Variants in SHOX observed in about 807,000 individuals in gnomAD.
SHOX encodes short stature homeobox protein.
In SHOX, 12 loss-of-function variants were observed where a neutral mutation model predicts 29.6. That is an observed-to-expected ratio of 0.41 (90% confidence interval 0.26 to 0.66). SHOX has a LOEUF of 0.66. Ranked by LOEUF, SHOX falls within the 30% of genes least tolerant of loss-of-function variation. SHOX has a pLI of 0.35. For missense variants in SHOX, 499 were observed against 437.7 expected, an observed-to-expected ratio of 1.14 and a Z score of -1.25; for synonymous variants, 214 against 200.6, an observed-to-expected ratio of 1.07 and a Z score of -0.57.
chrX:644,284 G>C (rs1162875551), intron 4 of SHOX, 107 bp from the exon 5 acceptor site: 14 of 1,324,040 alleles, frequency 1.1e-5, no homozygotes, highest in Non-Finnish European at 1.4e-5. Context: ...AAGGGGCGAC[G>C]CTCCCTAGGG....
chrX:635,650 G>C (rs1001822622), intron 2 of SHOX, among the ~76,000 whole-genome samples: 2 of 152,194 alleles, frequency 1.3e-5, no homozygotes, highest in Non-Finnish European at 2.9e-5. Flanking sequence ...GGGCGGAGGG[G>C]CCTTGGGTGT....
At chrX:627,732 C>T (rs763901491), upstream of SHOX, among the ~76,000 whole-genome samples, 10 of 152,238 alleles carry the variant, frequency 6.6e-5, no homozygotes, top group South Asian at 2.1e-4. Flanking sequence ...CCTGGTAGAG[C>T]GGAGTTTCCT....
chrX:631,849 G>C, intron 1 of SHOX: 1 of 455,066 alleles, frequency 2.2e-6, no homozygotes, highest in Admixed American at 2.3e-5. Flanking sequence ...TGACGGCTTA[G>C]GATGTGTGTT....
intron 5 of SHOX, among the ~76,000 whole-genome samples, chrX:657,753 C>T (rs140403629): frequency 0.023 from 3,492 of 152,144 alleles, 146 homozygotes; most frequent in African/African-American, 0.079. Flanking sequence ...AGATAAAATA[C>T]GACGTGCACA....
chrX:634,208 G>C lies in SHOX; in HGVS notation c.278-410G>C, dbSNP rs1485956435. On this transcript the variant is annotated intron_variant, in intron 1 of 4. Transcript: ENST00000686671. ...GCGTCTCTCCGTAGGCCTAGAATCT[G>C]CAACCCGCCCCGGGTCCTCCCCGTG... 2.0e-5 allele frequency among the ~76,000 whole-genome samples: 3 copies of C among 152,314 alleles called. No individual in the cohort carries two copies. The East Asian group carries it at 5.8e-4, about 29-fold the overall frequency.
intron 5 of SHOX, among the ~76,000 whole-genome samples, chrX:657,279 A>G (rs1274345300): frequency 6.6e-6 from 1 of 152,212 alleles, no homozygotes; most frequent in Non-Finnish European, 1.5e-5. Context: ...CCCATTCAGA[A>G]GAACACATCC....
upstream of SHOX, among the ~76,000 whole-genome samples, chrX:626,554 C>T (rs868859519): frequency 4.1e-5 from 1 of 24,666 alleles, no homozygotes; most frequent in South Asian, 1.7e-3. Context: ...CTCTCTCTCT[C>T]CTCTTTTTCT....
chrX:646,066 T>G lies in SHOX; in HGVS notation c.*1430T>G, dbSNP rs2052959962. ...CACCTGCCACCACCCCCGGCTAATT[T>G]TTTGTATTTATAGTAGAGACGGGGT... On this transcript the variant is annotated 3_prime_UTR_variant, in exon 5 of 5. Transcript: ENST00000686671. 6.6e-6 allele frequency: 1 copy of G among 152,020 alleles called. No individual in the cohort carries two copies. The highest frequency in any genetic ancestry group is 2.4e-5 in the African/African-American group (1 of 41,362). The allele number at this position is 152,020 out of a possible 1,614,324, so 9.4% of individuals were successfully genotyped here.
chrX:630,530 G>A, upstream of SHOX: 1 of 401,166 alleles, frequency 2.5e-6, no homozygotes, highest in Non-Finnish European at 4.6e-6. Flanking sequence ...TGGGGGGCTC[G>A]GGCGCCTGCG....
At chrX:642,023 G>T (rs1210037121) in intron 4 of SHOX, among the ~76,000 whole-genome samples, 1 of 152,234 alleles carries the variant, frequency 6.6e-6, no homozygotes, top group African/African-American at 2.4e-5. Flanking sequence ...CAGCGCTTGG[G>T]TGCCCAGCGT....
intron 1 of SHOX, 43 bp from the exon 2 acceptor site, chrX:634,575 A>C: frequency 6.2e-7 from 1 of 1,606,352 alleles, no homozygotes. Context: ...CGTTGCGCAA[A>C]ACCTCCCCGG....
rs28408302 is a variant in SHOX at position 650,556 on chromosome X, C to G, written c.*5920C>G. Reference sequence around the variant, plus strand: ...GATGAAAGGGAAATACCAGAGTCCTCTGTCCTCGCCTCTGGGTTTCATGCT... The same window carrying G: ...GATGAAAGGGAAATACCAGAGTCCTGTGTCCTCGCCTCTGGGTTTCATGCT... On this transcript the variant is annotated 3_prime_UTR_variant, in exon 5 of 5. Transcript: ENST00000686671. 0.29 allele frequency among the ~76,000 whole-genome samples: 43,166 copies of G among 151,426 alleles called. 6,737 individuals carry two copies. Among genetic ancestry groups the G allele is most frequent in the Non-Finnish European group, 0.36 (24,186 of 67,778 alleles).
At chrX:627,224 C>T (rs2052553999), upstream of SHOX, among the ~76,000 whole-genome samples, 1 of 152,198 alleles carries the variant, frequency 6.6e-6, no homozygotes, top group Non-Finnish European at 1.5e-5. Context: ...ATACAGTCCA[C>T]CCACTCTGCA....
At chrX:643,631 C>A (rs1390246179) in intron 4 of SHOX, among the ~76,000 whole-genome samples, 1 of 135,074 alleles carries the variant, frequency 7.4e-6, no homozygotes, top group Non-Finnish European at 1.5e-5. Context: ...CCTTGGGGAT[C>A]TGGTGTCCTG....
chrX:636,447 A>T (rs1195697075), intron 2 of SHOX, among the ~76,000 whole-genome samples: 3 of 77,550 alleles, frequency 3.9e-5, no homozygotes, highest in African/African-American at 1.4e-4. Flanking sequence ...ACATATATAC[A>T]TATAAAGAAA....
In SHOX at chrX:646,155, C is replaced by G. The variant is rs1164743785; in HGVS notation, c.*1519C>G. On this transcript the variant is annotated 3_prime_UTR_variant, in exon 5 of 5. Coordinates refer to ENST00000686671, the MANE Select transcript of SHOX (RefSeq NM_000451.4). ...TCAGGTGATCTGCCCGCCTCGGCCT[C>G]CCAACGTGCCCCCAGTTTTATAAAC... is the stretch of plus-strand genomic sequence containing the variant. 1 of 152,208 alleles carries G rather than the reference C, an allele frequency of 6.6e-6. No individual in the cohort carries two copies. The highest frequency in any genetic ancestry group is 1.5e-5 in the Non-Finnish European group (1 of 68,086). 9.4% of individuals were successfully genotyped at this position (152,208 alleles called of 1,614,324 possible).
At position 651,271 on chromosome X, in the gene SHOX, T is replaced by A. The variant is rs1355312637; in HGVS notation, c.*6635T>A. On this transcript the variant is annotated 3_prime_UTR_variant, in exon 5 of 5. Coordinates refer to ENST00000686671, the MANE Select transcript of SHOX (RefSeq NM_000451.4). ...GCGGCCCCCGCGTCCGGGTTACAAATACATCTACAGATATTTTCAGGGATT... is the reference window on the plus strand; with the variant it reads ...GCGGCCCCCGCGTCCGGGTTACAAAAACATCTACAGATATTTTCAGGGATT... 2.2e-6 allele frequency: 1 copy of A among 455,700 alleles called. No homozygotes were observed. Among genetic ancestry groups the A allele is most frequent in the East Asian group, 7.0e-5 (1 of 14,372 alleles). The allele number at this position is 455,700 out of a possible 1,614,324, so 28.2% of individuals were successfully genotyped here.
chrX:640,093 C>G (rs962051786), intron 2 of SHOX, among the ~76,000 whole-genome samples: 1 of 151,606 alleles, frequency 6.6e-6, no homozygotes, highest in Admixed American at 6.6e-5. Context: ...GCCTGTCATC[C>G]CAGCACTTTG....
upstream of SHOX, among the ~76,000 whole-genome samples, chrX:625,905 G>C (rs867189130): frequency 7.1e-5 from 8 of 112,124 alleles, no homozygotes; most frequent in Non-Finnish European, 9.4e-5. Flanking sequence ...CTCTTTCTCT[G>C]TCTCTGTCTG....
Sources: gnomAD v4.1 joint callset for allele counts (sites outside exome capture counted in the v4.1 genomes callset) on GRCh38, gnomAD v4.1.1 for gene constraint, MANE v1.5 for transcripts, NCBI Gene and HGNC (gene_info 2026-07-23, HGNC 2026-07-21) for gene names.